The following ADAD2 variants were observed in gnomAD, a reference collection of about 807,000 sequenced individuals.
ADAD2 encodes adenosine deaminase domain-containing protein 2.
A neutral mutation model predicts 54.5 loss-of-function variants in ADAD2; 60 were observed. The ratio of observed to expected loss-of-function variants is 1.10; its 90% confidence interval spans 0.89 to 1.36. The LOEUF (loss-of-function observed/expected upper bound fraction) is 1.36. Among genes scored for constraint, ADAD2 ranks in the 40% most tolerant of loss-of-function variants. ADAD2 has a pLI of 0.00. For synonymous variants in ADAD2, 543 were observed against 366.2 expected (o/e 1.48, Z -5.51); for missense variants, 1,103 against 801.3 (o/e 1.38, Z -4.54).
intron 1 of ADAD2, 78 bp downstream of exon 1, chr16:84,191,726 G>A: frequency 2.0e-6 from 3 of 1,527,328 alleles, no homozygotes; most frequent in South Asian, 1.2e-5. Flanking sequence ...GGGAGCAGGG[G>A]GTCTGGGGAA....
chr16:84,194,447 T>A lies in ADAD2; in HGVS notation c.424T>A (p.Cys142Ser). ...TCACCTGGCTCCTTCCCCAGGTCCC[T>A]GCTTCCCCTTCTCGGTGAGCGCGGA... ...LFREDQPPGP[C>S]FPFSVSAELD... The change falls in exon 2 of 10, where the codon TGC (cysteine) becomes AGC (serine). Residue 142 changes from cysteine (C) to serine (S), a missense_variant. Cys to Ser is a moderately radical substitution (Grantham distance 112). Coordinates refer to ENST00000315906, the MANE Select transcript of ADAD2 (RefSeq NM_001145400.2). 1.2e-6 allele frequency: 2 copies of A among 1,604,564 alleles called. No homozygotes were observed. Among genetic ancestry groups the A allele is most frequent in the Non-Finnish European group, 1.7e-6 (2 of 1,179,096 alleles).
chr16:84,191,551 G>T lies in ADAD2; in HGVS notation c.321G>T (p.Pro107=), dbSNP rs1016956518. The T allele has an allele frequency of 6.5e-7, 1 of 1,548,160 alleles. No homozygotes were observed. The highest frequency in any genetic ancestry group is 8.7e-7 in the Non-Finnish European group (1 of 1,146,720). Residue 107 remains proline (P), a synonymous_variant, in exon 1 of 10, where the codon CCG becomes CCT. Transcript: ENST00000315906. ...VPVPPAGLSL[P]LKDPPASQAV... is the part of the protein sequence containing the mutation. ...TGCCCCCAGCAGGGCTCAGCCTGCC[G>T]CTCAAAGACCCACCTGCCAGCCAGG...
Position 84,191,528 on chromosome 16 carries a change from C to A in ADAD2, c.298C>A (p.Pro100Thr). 6.5e-7 allele frequency: 1 copy of A among 1,546,364 alleles called. No homozygotes were observed. Among genetic ancestry groups the A allele is most frequent in the Non-Finnish European group, 8.7e-7 (1 of 1,146,566 alleles). The change falls in exon 1 of 10, where the codon CCC becomes ACC. Residue 100 changes from proline to threonine, a missense_variant. Pro to Thr is a conservative substitution (Grantham distance 38). Coordinates refer to ENST00000315906, the MANE Select transcript of ADAD2 (RefSeq NM_001145400.2). The part of the protein sequence containing the change: ...QMGKAPRVPV[P>T]PAGLSLPLKD... ...GGGGAAGGCCCCGAGGGTCCCTGTG[C>A]CCCCAGCAGGGCTCAGCCTGCCGCT...
chr16:84,194,732 G>A lies in ADAD2; in HGVS notation c.559+150G>A, dbSNP rs1002154270. 7.8e-6 allele frequency: 11 copies of A among 1,403,658 alleles called. No individual in the cohort carries two copies. In the African/African-American group the frequency reaches 8.5e-5, roughly 11 times the overall value. 87.0% of individuals were successfully genotyped at this position (1,403,658 alleles called of 1,614,324 possible). On this transcript the variant is annotated intron_variant, in intron 2 of 9. Transcript: ENST00000315906. Reference sequence around the variant, plus strand: ...CTGAGCATCAGGACGTCACCTGCAGGGAGCTGGGGCGGGGTACATGTGCCG... The same window carrying A: ...CTGAGCATCAGGACGTCACCTGCAGAGAGCTGGGGCGGGGTACATGTGCCG...
Position 84,195,199 on chromosome 16 carries a change from G to A in ADAD2, c.733+5G>A, listed in dbSNP as rs772666623. ...CTGGAGTCATCCTGGAGAGGGGTAGGGATCGCCCCAGCCCTGGCCCTGGCC... is the reference window on the plus strand; with the variant it reads ...CTGGAGTCATCCTGGAGAGGGGTAGAGATCGCCCCAGCCCTGGCCCTGGCC... On this transcript the variant is annotated splice_donor_5th_base_variant and intron_variant, in intron 4 of 9. Transcript: ENST00000315906. The A allele has an allele frequency of 6.2e-7, 1 of 1,612,234 alleles. No homozygotes were observed. The highest frequency in any genetic ancestry group is 1.1e-5 in the South Asian group (1 of 90,998).
At chr16:84,196,612 C>G (rs1197167214) in intron 8 of ADAD2, 35 bp from the exon 9 acceptor site, 1 of 1,605,168 alleles carries the variant, frequency 6.2e-7, no homozygotes. Context: ...CAGCTTGTAT[C>G]TCTCTGATCT....
rs1391646691 is a variant in ADAD2 at position 84,196,248 on chromosome 16, AGGGCCCCCGGT to A, written c.1407_1417del (p.Pro471PhefsTer6). 2 of 1,612,350 alleles carry A rather than the reference AGGGCCCCCGGT, an allele frequency of 1.2e-6. No homozygotes were observed. The highest frequency in any genetic ancestry group is 1.7e-6 in the Non-Finnish European group (2 of 1,179,888). ...TCCGGACCGCCCTGCACCTGTTTGCAGGGCCCCCGGTGGCCCCTTCCGAACCCACCCCTGAC... is the reference window on the plus strand; with the variant it reads ...TCCGGACCGCCCTGCACCTGTTTGCAGGCCCCTTCCGAACCCACCCCTGAC... On this transcript the variant is annotated frameshift_variant, in exon 8 of 10. Coordinates refer to ENST00000315906, the MANE Select transcript of ADAD2 (RefSeq NM_001145400.2). LOFTEE classifies it high-confidence loss of function.
chr16:84,194,511 G>C lies in ADAD2; in HGVS notation c.488G>C (p.Ser163Thr). ...GVVCPAGTAN[S>T]KTEAKQQAAL... is the part of the protein sequence containing the mutation. ...GTCTGCCCTGCGGGCACTGCGAATA[G>C]CAAGACGGAGGCCAAACAGCAGGCA... The change falls in exon 2 of 10, where the codon AGC becomes ACC. Residue 163 changes from serine (S) to threonine (T), a missense_variant. Physicochemically the swap from Ser to Thr is moderately conservative, Grantham distance 58. Coordinates refer to ENST00000315906, the MANE Select transcript of ADAD2 (RefSeq NM_001145400.2). 1.9e-6 allele frequency: 3 copies of C among 1,612,464 alleles called. No homozygotes were observed. The highest frequency in any genetic ancestry group is 2.2e-5 in the East Asian group (1 of 44,836).
Position 84,197,073 on chromosome 16 carries a change from G to T in ADAD2, c.*99G>T, listed in dbSNP as rs1052387693. On this transcript the variant is annotated 3_prime_UTR_variant, in exon 10 of 10. Transcript: ENST00000315906. ...GTTGTGGGGAGAACATGGGTTGTGCGGGGTGAAACTGGGGCTGGAGGGAAG... is the reference window on the plus strand; with the variant it reads ...GTTGTGGGGAGAACATGGGTTGTGCTGGGTGAAACTGGGGCTGGAGGGAAG... The T allele has an allele frequency of 2.7e-5, 34 of 1,253,544 alleles. No individual in the cohort carries two copies. In the Admixed American group the frequency reaches 3.4e-4, roughly 13 times the overall value. The allele number at this position is 1,253,544 out of a possible 1,614,324, so 77.7% of individuals were successfully genotyped here. A position where few individuals can be genotyped will look rare whatever the true frequency, so the allele number is the denominator to read the frequency against.
chr16:84,195,146 C>G lies in ADAD2; in HGVS notation c.685C>G (p.Pro229Ala), dbSNP rs753064802. The G allele has an allele frequency of 1.2e-6, 2 of 1,613,564 alleles. No individual in the cohort carries two copies. Among genetic ancestry groups the G allele is most frequent in the Admixed American group, 3.3e-5 (2 of 60,018 alleles). Residue 229 changes from proline (P) to alanine (A), a missense_variant, in exon 4 of 10, where the codon CCA becomes GCA. By Grantham distance (27) the Pro-to-Ala change is conservative (BLOSUM62 -1). Transcript: ENST00000315906. Reference protein sequence around the residue: ...GFDLLLDERSPYWACKGTVAG... With the variant: ...GFDLLLDERSAYWACKGTVAG... ...TGACCTCCTGTTGGACGAGCGCTCGCCATACTGGGCCTGTAAGGGGACTGT... is the reference window on the plus strand; with the variant it reads ...TGACCTCCTGTTGGACGAGCGCTCGGCATACTGGGCCTGTAAGGGGACTGT...
chr16:84,194,362 G>C, intron 1 of ADAD2, 80 bp from the exon 2 acceptor site: 2 of 1,557,224 alleles, frequency 1.3e-6, no homozygotes, highest in Non-Finnish European at 1.7e-6. Context: ...CTCGATATCA[G>C]GTGTCAGGAG....
intron 2 of ADAD2, 158 bp from the exon 3 acceptor site, chr16:84,194,775 C>T (rs1800212559): frequency 1.6e-6 from 2 of 1,263,228 alleles, no homozygotes; most frequent in Non-Finnish European, 2.2e-6. Flanking sequence ...CTTTCACGTC[C>T]TCTGGGGACA....
chr16:84,194,896 G>C (rs762143909), intron 2 of ADAD2, 37 bp from the exon 3 acceptor site: 16 of 1,576,070 alleles, frequency 1.0e-5, no homozygotes, highest in Non-Finnish European at 1.3e-5. Context: ...GGTGGGCCTT[G>C]GCACCCACAC....
rs754158131 is a variant in ADAD2 at position 84,195,642 on chromosome 16, G to A, written c.997G>A (p.Val333Ile). 22 of 1,601,590 alleles carry A rather than the reference G, an allele frequency of 1.4e-5. No homozygotes were observed. The highest frequency in any genetic ancestry group is 9.4e-5 in the African/African-American group (7 of 74,192). ...ACCCCCATTCACCCTCAAGCCCCGC[G>A]TCTTCCTGCACCTCTACATCAGCAA... Reference protein sequence around the residue: ...PGPPFTLKPRVFLHLYISNTP... With the variant: ...PGPPFTLKPRIFLHLYISNTP... Residue 333 changes from valine to isoleucine, a missense_variant, in exon 6 of 10, where the codon GTC (valine) becomes ATC (isoleucine). Val to Ile is a conservative substitution (Grantham distance 29). Coordinates refer to ENST00000315906, the MANE Select transcript of ADAD2 (RefSeq NM_001145400.2).
At position 84,195,305 on chromosome 16, in the gene ADAD2, G is replaced by A. The variant is rs367724555; in HGVS notation, c.743G>A (p.Arg248His). The A allele has an allele frequency of 1.7e-5, 27 of 1,611,180 alleles. No individual in the cohort carries two copies. The highest frequency in any genetic ancestry group is 2.2e-5 in the East Asian group (1 of 44,814). Residue 248 changes from arginine (R) to histidine (H), a missense_variant, in exon 5 of 10, where the codon CGT (arginine) becomes CAT (histidine). By Grantham distance (29) the Arg-to-His change is conservative (BLOSUM62 0). Transcript: ENST00000315906. The stretch of plus-strand genomic sequence containing the variant: ...GCCCCCTCCTGCACAGAGATCCCGC[G>A]TGCCAGGGGCCACGTGAAGGAGATC... ...AGVILEREIP[R>H]ARGHVKEIYK...
At position 84,192,270 on chromosome 16, in the gene ADAD2, G is replaced by C. The variant is rs79774257; in HGVS notation, c.418+622G>C. Among the ~76,000 whole-genome samples the C allele has an allele frequency of 5.1e-3, 782 of 152,120 alleles. 7 individuals carry two copies. Among genetic ancestry groups the C allele is most frequent in the African/African-American group, 0.017 (715 of 41,498 alleles). The stretch of plus-strand genomic sequence containing the variant: ...AGTGATACTCCCGCCTCAGCCTCCC[G>C]AGGAGCTGGGACTACAGGTGGACTC... On this transcript the variant is annotated intron_variant, in intron 1 of 9. Transcript: ENST00000315906.
chr16:84,194,497 G>A lies in ADAD2; in HGVS notation c.474G>A (p.Ala158=), dbSNP rs146229540. 1.9e-4 allele frequency: 302 copies of A among 1,612,088 alleles called. 2 individuals are homozygous for A. The highest frequency in any genetic ancestry group is 7.8e-4 in the Admixed American group (47 of 59,940). The change falls in exon 2 of 10, where the codon GCG becomes GCA. Residue 158 remains alanine, a synonymous_variant. Coordinates refer to ENST00000315906, the MANE Select transcript of ADAD2 (RefSeq NM_001145400.2). ...AACTGGATGGGGTGGTCTGCCCTGC[G>A]GGCACTGCGAATAGCAAGACGGAGG... The part of the protein sequence containing the change: ...SAELDGVVCP[A]GTANSKTEAK...
chr16:84,196,976 G>C lies in ADAD2; in HGVS notation c.*2G>C, dbSNP rs1757191188. 2 of 1,589,844 alleles carry C rather than the reference G, an allele frequency of 1.3e-6. No homozygotes were observed. Among genetic ancestry groups the C allele is most frequent in the Non-Finnish European group, 8.6e-7 (1 of 1,169,438 alleles). The stretch of plus-strand genomic sequence containing the variant: ...CTGGTGGGCAAATTCAGAAACTGAA[G>C]CCAGCCTCGGCGGGACCGAGGTCCC... On this transcript the variant is annotated 3_prime_UTR_variant, in exon 10 of 10. Transcript: ENST00000315906.
At position 84,196,863 on chromosome 16, in the gene ADAD2, G is replaced by A. The variant is rs188345344; in HGVS notation, c.1648-7G>A. 1.2e-4 allele frequency: 183 copies of A among 1,587,590 alleles called. 2 individuals carry two copies. The African/African-American group carries it at 1.9e-3, about 17-fold the overall frequency. ...CCTCTCACCCCACCTCTCATCTCCC[G>A]CCCTAGGCTGGGCCCTACCAGGAGG... On this transcript the variant is annotated splice_polypyrimidine_tract_variant and splice_region_variant and intron_variant, in intron 9 of 9. Coordinates refer to ENST00000315906, the MANE Select transcript of ADAD2 (RefSeq NM_001145400.2).
Sources: gnomAD v4.1 joint callset for allele counts (sites outside exome capture counted in the v4.1 genomes callset) on GRCh38, gnomAD v4.1.1 for gene constraint, MANE v1.5 for transcripts, NCBI Gene and HGNC (gene_info 2026-07-23, HGNC 2026-07-21) for gene names.